Variants in EHD3 observed in about 807,000 individuals in gnomAD.
EHD3 encodes EH domain-containing protein 3.
Under a neutral mutation model 43.0 loss-of-function variants are expected in EHD3, and 17 were observed. The observed-to-expected ratio is 0.40, with a 90% CI of 0.27 to 0.59. The LOEUF (loss-of-function observed/expected upper bound fraction) is 0.59. Among genes scored for constraint, EHD3 ranks in the 20% least tolerant of loss-of-function variants. EHD3 has a pLI of 0.49. For missense variants in EHD3, 594 were observed against 705.6 expected, an observed-to-expected ratio of 0.84 and a Z score of 1.79; for synonymous variants, 313 against 289.5, an observed-to-expected ratio of 1.08 and a Z score of -0.82.
chr2:31,243,105 C>T (rs143820866), intron 1 of EHD3, among the ~76,000 whole-genome samples: 1,571 of 151,980 alleles, frequency 0.01, 18 homozygotes, highest in African/African-American at 0.035. Context: ...GGGGAAGCCC[C>T]GTCTTTACAA....
rs776093934 is a variant in EHD3 at position 31,260,973 on chromosome 2, G to A, written c.915+51G>A. ...CAGCTTGGGCAGGGGCCCAGAGTTTGGGGTCAGCTGCACGAGCTGAGGGTT... is the reference window on the plus strand; with the variant it reads ...CAGCTTGGGCAGGGGCCCAGAGTTTAGGGTCAGCTGCACGAGCTGAGGGTT... On this transcript the variant is annotated intron_variant, in intron 4 of 5. Transcript: ENST00000322054. This position sits in a 1 kb window ranked among gnomAD's most constrained non-coding sequence, Gnocchi z 4.6. The A allele has an allele frequency of 8.4e-6, 13 of 1,541,588 alleles. No homozygotes were observed. The Admixed American group carries it at 1.0e-4, about 12-fold the overall frequency.
chr2:31,249,409 G>A lies in EHD3; in HGVS notation c.443G>A (p.Ser148Asn). 1.9e-6 allele frequency: 3 copies of A among 1,614,186 alleles called. No individual in the cohort carries two copies. Among genetic ancestry groups the A allele is most frequent in the Non-Finnish European group, 2.5e-6 (3 of 1,180,020 alleles). ...CAQLPNPVLE[S>N]ISVIDTPGIL... ...CAGCTACCTAACCCTGTGCTGGAGA[G>A]CATCAGCGTCATCGACACACCAGGG... The change falls in exon 3 of 6, where the codon AGC becomes AAC. Residue 148 changes from serine to asparagine, a missense_variant. By Grantham distance (46) the Ser-to-Asn change is conservative. This residue lies in a region of EHD3 where 243 missense variants were observed against 296.7 expected (regional missense o/e 0.82). Transcript: ENST00000322054.
At chr2:31,261,862 C>T (rs1683866422) in intron 5 of EHD3, 149 bp downstream of exon 5, 3 of 973,284 alleles carry the variant, frequency 3.1e-6, no homozygotes, top group South Asian at 3.5e-5. Flanking sequence ...ATCTACACTC[C>T]TAGCTGGGCC....
intron 5 of EHD3, among the ~76,000 whole-genome samples, chr2:31,262,865 A>C (rs183820023): frequency 6.6e-6 from 1 of 152,112 alleles, no homozygotes; most frequent in African/African-American, 2.4e-5. Flanking sequence ...CAGTGAGCCA[A>C]GATTGTGCCA....
At position 31,243,064 on chromosome 2, in the gene EHD3, G is replaced by A. The variant is rs549011723; in HGVS notation, c.228-1210G>A. On this transcript the variant is annotated intron_variant, in intron 1 of 5. Transcript: ENST00000322054. ...GGCCAAGGCAGGCGGATCACCTGAC[G>A]TCAGCAGCTCAAGACCAGATTGGCC... Among the ~76,000 whole-genome samples the A allele has an allele frequency of 1.9e-3, 291 of 152,216 alleles. 6 individuals are homozygous for A. The highest frequency in any genetic ancestry group is 1.9e-4 in the East Asian group (1 of 5,180).
rs778640849 is a variant in EHD3, at chr2:31,261,611, CAAG to C, written c.985_987del (p.Lys329del). On this transcript the variant is annotated inframe_deletion, in exon 5 of 6. Coordinates refer to ENST00000322054, the MANE Select transcript of EHD3 (RefSeq NM_014600.3). ...TGCCCTCGGTGTTCGGGAAGGACAA[CAAG>C]AAGAAGGAGCTGGTCAACAACCTGG... 6.2e-6 allele frequency: 10 copies of C among 1,614,094 alleles called. No homozygotes were observed. In the African/African-American group the frequency reaches 9.3e-5, roughly 15 times the overall value.
intron 5 of EHD3, 42 bp downstream of exon 5, chr2:31,261,755 G>A (rs780252875): frequency 1.2e-5 from 19 of 1,602,300 alleles, no homozygotes; most frequent in Middle Eastern, 1.7e-4. Flanking sequence ...ACAGTGTCCC[G>A]AGAGCTGGCT....
intron 1 of EHD3, among the ~76,000 whole-genome samples, chr2:31,235,420 CAACAG>C (rs1161104836): frequency 6.6e-6 from 1 of 152,082 alleles, no homozygotes; most frequent in Admixed American, 6.5e-5. Context: ...CTTGGAGACT[CAACAG>C]AAGCTGAGTC....
In EHD3 at chr2:31,269,022, G is replaced by T. The variant is rs1304058599; in HGVS notation, c.*2318G>T. On this transcript the variant is annotated 3_prime_UTR_variant, in exon 6 of 6. Coordinates refer to ENST00000322054, the MANE Select transcript of EHD3 (RefSeq NM_014600.3). ...CACAGCTCCCATCTCCCTGGAAAGAGGAACTGATGTTTGAGGGGACAGATG... is the reference window on the plus strand; with the variant it reads ...CACAGCTCCCATCTCCCTGGAAAGATGAACTGATGTTTGAGGGGACAGATG... The T allele has an allele frequency of 2.0e-5, 3 of 152,258 alleles. No homozygotes were observed. Among genetic ancestry groups the T allele is most frequent in the Non-Finnish European group, 4.4e-5 (3 of 68,068 alleles). The allele number at this position is 152,258 out of a possible 1,614,324, so 9.4% of individuals were successfully genotyped here.
chr2:31,255,414 C>G (rs1292618154), intron 3 of EHD3, among the ~76,000 whole-genome samples: 1 of 152,224 alleles, frequency 6.6e-6, no homozygotes, highest in Non-Finnish European at 1.5e-5. Flanking sequence ...TGCCACAGCT[C>G]TACCACAGAG....
intron 5 of EHD3, among the ~76,000 whole-genome samples, chr2:31,264,533 C>CTTTTTTTTT (rs35446028): frequency 4.4e-5 from 5 of 114,174 alleles, no homozygotes; most frequent in African/African-American, 1.4e-4. Context: ...ACTTTACAGA[C>CTTTTTTTTT]TTTTTTTTTT....
rs538844102 is a variant in EHD3 at position 31,239,840 on chromosome 2, G to A, written c.228-4434G>A. 1.9e-4 allele frequency among the ~76,000 whole-genome samples: 10 copies of A among 53,680 alleles called. No homozygotes were observed. The South Asian group carries it at 7.1e-3, about 38-fold the overall frequency. 35.2% of individuals were successfully genotyped at this position (53,680 alleles called of 152,430 possible). A position where few individuals can be genotyped will look rare whatever the true frequency, so the allele number is the denominator to read the frequency against. ...GCTTTATCATTTCCTCTCCTCTCTCGAGCTGACTCTAACAGGAGACTTAGA... is the reference window on the plus strand; with the variant it reads ...GCTTTATCATTTCCTCTCCTCTCTCAAGCTGACTCTAACAGGAGACTTAGA... On this transcript the variant is annotated intron_variant, in intron 1 of 5. Coordinates refer to ENST00000322054, the MANE Select transcript of EHD3 (RefSeq NM_014600.3).
At chr2:31,253,246 CCACA>C (rs34392955) in intron 3 of EHD3, among the ~76,000 whole-genome samples, 14,911 of 141,976 alleles carry the variant, frequency 0.11, 808 homozygotes, top group African/African-American at 0.12. Flanking sequence ...CAACCCCCTC[CCACA>C]CACACACACA....
rs897954791 is a variant in EHD3, at chr2:31,256,562, G to A, written c.503-3948G>A. Reference sequence around the variant, plus strand: ...CCTGTCCAGCTCCCAGTGCACCGAGGATGATTTCAGTGAGCTGAAGAGCAG... The same window carrying A: ...CCTGTCCAGCTCCCAGTGCACCGAGAATGATTTCAGTGAGCTGAAGAGCAG... On this transcript the variant is annotated intron_variant, in intron 3 of 5. Transcript: ENST00000322054. Among the ~76,000 whole-genome samples, 4 of 152,322 alleles carry A rather than the reference G, an allele frequency of 2.6e-5. No homozygotes were observed. In the East Asian group the frequency reaches 7.7e-4, roughly 29 times the overall value.
chr2:31,237,312 A>G (rs1683341536), intron 1 of EHD3, among the ~76,000 whole-genome samples: 1 of 151,666 alleles, frequency 6.6e-6, no homozygotes, highest in East Asian at 1.9e-4. Context: ...TAAAGCATAT[A>G]ATTTATATAT....
rs558197018 is a variant in EHD3, at chr2:31,246,594, TATG to T, written c.404+2147_404+2149del. Among the ~76,000 whole-genome samples, 396 of 152,314 alleles carry T rather than the reference TATG, an allele frequency of 2.6e-3. 3 individuals carry two copies. Among genetic ancestry groups the T allele is most frequent in the African/African-American group, 9.1e-3 (380 of 41,566 alleles). On this transcript the variant is annotated intron_variant, in intron 2 of 5. Transcript: ENST00000322054. ...TTATATGTAATAGCATATAGCCTAT[TATG>T]ATAACAGAATTTAAGTGATTGCCAT...
intron 5 of EHD3, among the ~76,000 whole-genome samples, chr2:31,264,723 G>A (rs185380571): frequency 3.3e-5 from 5 of 151,366 alleles, no homozygotes; most frequent in Non-Finnish European, 5.9e-5. Flanking sequence ...TAGTAGAGAC[G>A]GGGTTTTCAC....
At chr2:31,239,577 G>A (rs554978901) in intron 1 of EHD3, among the ~76,000 whole-genome samples, 6 of 152,266 alleles carry the variant, frequency 3.9e-5, no homozygotes, top group East Asian at 3.9e-4. Context: ...ACAGTGGGAC[G>A]AAGGCCATGG....
intron 1 of EHD3, 39 bp downstream of exon 1, chr2:31,234,887 C>G: frequency 6.2e-7 from 1 of 1,600,296 alleles, no homozygotes; most frequent in African/African-American, 1.3e-5. Flanking sequence ...ACCCCGGAGC[C>G]CAGCGCCTAG....
Sources: allele counts gnomAD v4.1 joint callset (sites outside exome capture counted in the v4.1 genomes callset), GRCh38; gene constraint gnomAD v4.1.1; regional missense constraint gnomAD v4.1.1; non-coding constraint Gnocchi (gnomAD v3.1); transcripts MANE v1.5; gene names NCBI Gene and HGNC (gene_info 2026-07-23, HGNC 2026-07-21).